BTBD7: variants seen among roughly 807,000 people sequenced by gnomAD.
The protein encoded by BTBD7 is BTB/POZ domain-containing protein 7.
In BTBD7, 38 loss-of-function variants were observed where a neutral mutation model predicts 99.9. The ratio of observed to expected loss-of-function variants is 0.38; its 90% CI spans 0.29 to 0.50. The LOEUF is 0.50. Ranked by LOEUF, BTBD7 falls within the 20% of genes least tolerant of loss-of-function variation. The probability of loss-of-function intolerance (pLI) is 0.93; values close to 1 mark genes in which losing one functional copy is unlikely to be tolerated. For missense variants in BTBD7, 1,170 were observed against 1,394.6 expected, an observed-to-expected ratio of 0.84 and a Z score of 2.57; for synonymous variants, 520 against 511.4, an observed-to-expected ratio of 1.02 and a Z score of -0.23.
chr14:93,265,603 G>A (rs2052533223), intron 3 of BTBD7, among the ~76,000 whole-genome samples: 1 of 152,232 alleles, frequency 6.6e-6, no homozygotes, highest in Non-Finnish European at 1.5e-5. Context: ...TGCGTGGAGT[G>A]GGAAGTTGGT....
At chr14:93,282,835 G>C (rs1157752211) in intron 3 of BTBD7, among the ~76,000 whole-genome samples, 1 of 151,982 alleles carries the variant, frequency 6.6e-6, no homozygotes, top group East Asian at 1.9e-4. Flanking sequence ...GGTGATGGGA[G>C]GCATCACACC....
At chr14:93,286,623 T>A (rs1340673464) in intron 3 of BTBD7, among the ~76,000 whole-genome samples, 2 of 152,170 alleles carry the variant, frequency 1.3e-5, no homozygotes, top group African/African-American at 4.8e-5. Flanking sequence ...TCCCTGGAAA[T>A]TGGGTCCAGT....
intron 7 of BTBD7, among the ~76,000 whole-genome samples, chr14:93,251,946 A>C (rs780032467): frequency 6.6e-6 from 1 of 152,226 alleles, no homozygotes; most frequent in African/African-American, 2.4e-5. Context: ...ACACAATATT[A>C]TAATAAAACA....
At position 93,248,637 on chromosome 14, in the gene BTBD7, T is replaced by C. The variant is rs748855459; in HGVS notation, c.1960A>G (p.Met654Val). 4.3e-6 allele frequency: 7 copies of C among 1,610,416 alleles called. No homozygotes were observed. The highest frequency in any genetic ancestry group is 5.9e-6 in the Non-Finnish European group (7 of 1,178,994). The change falls in exon 9 of 11, where the codon ATG becomes GTG. Residue 654 changes from methionine to valine, a missense_variant. Coordinates refer to ENST00000334746, the MANE Select transcript of BTBD7 (RefSeq NM_001002860.4). The stretch of plus-strand genomic sequence containing the variant: ...TGCAGTCGTCTGACCATGTCTTTCA[T>C]AATGAGGAGACGAGGAACTGGAAGG... ...NEIPVPRLLI[M>V]KDMVRRLQEL...
chr14:93,286,488 C>T (rs180857340), intron 3 of BTBD7, among the ~76,000 whole-genome samples: 11 of 152,272 alleles, frequency 7.2e-5, no homozygotes, highest in Non-Finnish European at 1.0e-4. Context: ...CAACCCAAGT[C>T]GGGGGTAATG....
intron 3 of BTBD7, among the ~76,000 whole-genome samples, chr14:93,285,717 T>C (rs1214183532): frequency 6.6e-6 from 1 of 152,226 alleles, no homozygotes; most frequent in East Asian, 1.9e-4. Flanking sequence ...AAGGTCATTA[T>C]GAAAAGTCAA....
intron 3 of BTBD7, among the ~76,000 whole-genome samples, chr14:93,285,009 G>A (rs1023277335): frequency 6.6e-6 from 1 of 152,080 alleles, no homozygotes; most frequent in African/African-American, 2.4e-5. Flanking sequence ...CTCTTATGTT[G>A]CATGTTTGAA....
At chr14:93,329,711 A>G (rs1206559910) in intron 1 of BTBD7, among the ~76,000 whole-genome samples, 6 of 152,248 alleles carry the variant, frequency 3.9e-5, no homozygotes, top group Non-Finnish European at 7.3e-5. Context: ...CAAATACTGT[A>G]TAATTTCACT....
At chr14:93,276,756 C>CAAAAGCAAACAAAGCTGG (rs2052660274) in intron 3 of BTBD7, among the ~76,000 whole-genome samples, 3 of 151,876 alleles carry the variant, frequency 2.0e-5, no homozygotes, top group Non-Finnish European at 2.9e-5. Context: ...GTGTGAGAGA[C>CAAAAGCAAACAAAGCTGG]AAAAGCAAAC....
At chr14:93,288,755 T>G (rs1200802547) in intron 3 of BTBD7, 2 of 1,597,736 alleles carry the variant, frequency 1.3e-6, no homozygotes, top group South Asian at 1.1e-5. Context: ...TTATAACCCC[T>G]GAGTGTAATT....
Position 93,294,705 on chromosome 14 carries a change from A to G in BTBD7, c.315T>C (p.Tyr105=), listed in dbSNP as rs1483592423. 2 of 1,613,996 alleles carry G rather than the reference A, an allele frequency of 1.2e-6. No homozygotes were observed. The highest frequency in any genetic ancestry group is 2.2e-5 in the East Asian group (1 of 44,890). The change falls in exon 3 of 11, where the codon TAT becomes TAC. Residue 105 remains tyrosine (Y), a synonymous_variant. Coordinates refer to ENST00000334746, the MANE Select transcript of BTBD7 (RefSeq NM_001002860.4). ...GCTCCTTTAATGCTGATGTTCCCTC[A>G]TATTCCTCCACTAATGCATTGACAT... ...VRDVNALVEE[Y]EGTSALKELS...
rs199631336 is a variant in BTBD7 at position 93,291,801 on chromosome 14, AAG to A, written c.1162+2055_1162+2056del. Among the ~76,000 whole-genome samples, 268 of 148,792 alleles carry A rather than the reference AAG, an allele frequency of 1.8e-3. 2 individuals are homozygous for A. Among genetic ancestry groups the A allele is most frequent in the African/African-American group, 6.1e-3 (243 of 39,712 alleles). On this transcript the variant is annotated intron_variant, in intron 3 of 10. Coordinates refer to ENST00000334746, the MANE Select transcript of BTBD7 (RefSeq NM_001002860.4). ...TTTAGCTAAACACTAAAAAAAAAAA[AAG>A]AGAAATTAACTCAAGATAAACTCTA...
At chr14:93,252,002 A>G (rs1317847432) in intron 7 of BTBD7, among the ~76,000 whole-genome samples, 1 of 152,174 alleles carries the variant, frequency 6.6e-6, no homozygotes, top group Non-Finnish European at 1.5e-5. Context: ...TGCTCAAAAT[A>G]CAAAATATTG....
intron 3 of BTBD7, among the ~76,000 whole-genome samples, chr14:93,292,517 TAAAAC>T (rs2052870600): frequency 1.3e-5 from 2 of 152,220 alleles, no homozygotes; most frequent in Non-Finnish European, 1.5e-5. Context: ...TGTAATAAAA[TAAAAC>T]ATCTATTATA....
intron 3 of BTBD7, among the ~76,000 whole-genome samples, chr14:93,273,626 A>G (rs1177332305): frequency 6.6e-6 from 1 of 152,154 alleles, no homozygotes; most frequent in Non-Finnish European, 1.5e-5. Flanking sequence ...ATTTACCTGA[A>G]TTTTTTGGGC....
intron 1 of BTBD7, among the ~76,000 whole-genome samples, chr14:93,324,874 A>C (rs1307731852): frequency 1.3e-5 from 2 of 152,182 alleles, no homozygotes; most frequent in African/African-American, 4.8e-5. Context: ...TTCTGTTAGG[A>C]AAGAAGAGAA....
At chr14:93,287,215 C>T (rs991678788) in intron 3 of BTBD7, among the ~76,000 whole-genome samples, 8 of 132,884 alleles carry the variant, frequency 6.0e-5, no homozygotes, top group African/African-American at 2.5e-4. Flanking sequence ...GGCGACAGAG[C>T]GAGACTCTGT....
At chr14:93,305,041 A>T (rs995272544) in intron 1 of BTBD7, among the ~76,000 whole-genome samples, 1 of 152,250 alleles carries the variant, frequency 6.6e-6, no homozygotes, top group Non-Finnish European at 1.5e-5. Context: ...TAGGCATGTG[A>T]CTAGCCCTAT....
chr14:93,262,354 C>T (rs1287535947), intron 4 of BTBD7, among the ~76,000 whole-genome samples: 6 of 152,046 alleles, frequency 3.9e-5, no homozygotes, highest in African/African-American at 7.2e-5. Context: ...AGGATGGTCT[C>T]GATCTCCTGA....
Sources: gnomAD v4.1 joint callset for allele counts (sites outside exome capture counted in the v4.1 genomes callset) on GRCh38, gnomAD v4.1.1 for gene constraint, MANE v1.5 for transcripts, NCBI Gene and HGNC (gene_info 2026-07-23, HGNC 2026-07-21) for gene names.